CCDC137: variants seen among roughly 807,000 people sequenced by gnomAD.
CCDC137 encodes coiled-coil domain containing 137.
Under a neutral mutation model 30.4 loss-of-function variants are expected in CCDC137, and 24 were observed. That is an observed-to-expected ratio of 0.79 (90% CI 0.57 to 1.11). The LOEUF is 1.11. Among genes scored for constraint, CCDC137 ranks in the 50% least tolerant of loss-of-function variants. CCDC137 has a pLI of 0.00. For missense variants in CCDC137, 417 were observed against 380.4 expected (o/e 1.10, Z -0.80); for synonymous variants, 182 against 155.7 (o/e 1.17, Z -1.26).
In CCDC137 at chr17:81,673,536, G is replaced by A. The variant is rs1455715251; in HGVS notation, c.*832G>A. 6.6e-6 allele frequency: 1 copy of A among 152,300 alleles called. No homozygotes were observed. Among genetic ancestry groups the A allele is most frequent in the Non-Finnish European group, 1.5e-5 (1 of 68,080 alleles). The allele number at this position is 152,300 out of a possible 1,614,324, so 9.4% of individuals were successfully genotyped here. ...GGTCACAGAGTGGGGCCCAGGGGGAGTTCCTGCTGAGGGCAGGGCCTTGCC... is the reference window on the plus strand; with the variant it reads ...GGTCACAGAGTGGGGCCCAGGGGGAATTCCTGCTGAGGGCAGGGCCTTGCC... On this transcript the variant is annotated 3_prime_UTR_variant, in exon 6 of 6. Transcript: ENST00000329214.
At position 81,666,773 on chromosome 17, in the gene CCDC137, G is replaced by A. The variant is rs1598731067; in HGVS notation, c.7G>A (p.Gly3Arg). 4 of 1,468,696 alleles carry A rather than the reference G, an allele frequency of 2.7e-6. No homozygotes were observed. The highest frequency in any genetic ancestry group is 2.7e-6 in the Non-Finnish European group (3 of 1,114,976). 91.0% of individuals were successfully genotyped at this position (1,468,696 alleles called of 1,614,324 possible). The change falls in exon 1 of 6, where the codon GGA becomes AGA. Residue 3 changes from glycine to arginine, a missense_variant. Gly to Arg is a moderately radical substitution (Grantham distance 125, BLOSUM62 -2). Transcript: ENST00000329214. MA[G>R]AGRGAAVSRV... ...GGAGCCTCCCGGCGTGGAGATGGCGGGAGCTGGTCGCGGAGCAGCGGTGTC... is the reference window on the plus strand; with the variant it reads ...GGAGCCTCCCGGCGTGGAGATGGCGAGAGCTGGTCGCGGAGCAGCGGTGTC...
chr17:81,672,654 G>C lies in CCDC137; in HGVS notation c.820G>C (p.Gly274Arg), dbSNP rs61742298. ...GAAGCAGCGGCAGCAGCAGCTGCAC[G>C]GGGAGCGACCCCACCTCACTTCCCG... ...ALKQRQQQLH[G>R]ERPHLTSRKK... is the part of the protein sequence containing the mutation. The change falls in exon 6 of 6, where the codon GGG (glycine) becomes CGG (arginine). Residue 274 changes from glycine to arginine, a missense_variant. Physicochemically the swap from Gly to Arg is moderately radical, Grantham distance 125 (BLOSUM62 -2). Transcript: ENST00000329214. The C allele has an allele frequency of 6.2e-7, 1 of 1,601,096 alleles. No homozygotes were observed. Among genetic ancestry groups the C allele is most frequent in the Admixed American group, 1.7e-5 (1 of 58,316 alleles).
Position 81,667,772 on chromosome 17 carries a change from G to A in CCDC137, c.178G>A (p.Glu60Lys), listed in dbSNP as rs1305520593. Reference sequence around the variant, plus strand: ...GAACTGCAAGCCCAAGAACCAGGACGAACAGGAGATTCCTTTCCGGCTCCG... The same window carrying A: ...GAACTGCAAGCCCAAGAACCAGGACAAACAGGAGATTCCTTTCCGGCTCCG... ...KVNCKPKNQDEQEIPFRLREI... is the reference protein window; with the variant it reads ...KVNCKPKNQDKQEIPFRLREI... The change falls in exon 2 of 6, where the codon GAA becomes AAA. Residue 60 changes from glutamate to lysine, a missense_variant. By Grantham distance (56) the Glu-to-Lys change is moderately conservative. Coordinates refer to ENST00000329214, the MANE Select transcript of CCDC137 (RefSeq NM_199287.3). 1.2e-6 allele frequency: 2 copies of A among 1,613,604 alleles called. No homozygotes were observed. The highest frequency in any genetic ancestry group is 1.1e-5 in the South Asian group (1 of 91,060).
At chr17:81,669,116 C>G (rs767776436) in intron 2 of CCDC137, among the ~76,000 whole-genome samples, 10 of 151,958 alleles carry the variant, frequency 6.6e-5, no homozygotes, top group Admixed American at 2.0e-4. Flanking sequence ...TTTTGAACTC[C>G]TGACCTCAAG....
intron 5 of CCDC137, 24 bp downstream of exon 5, chr17:81,672,179 T>C: frequency 6.2e-7 from 1 of 1,609,894 alleles, no homozygotes; most frequent in East Asian, 2.2e-5. Context: ...GGGGACAACT[T>C]GAGTTTGTCC....
At chr17:81,671,849 T>A in intron 4 of CCDC137, 23 bp downstream of exon 4, 62 of 1,612,058 alleles carry the variant, frequency 3.8e-5, no homozygotes, top group Non-Finnish European at 5.3e-5. Flanking sequence ...AAAGCGATGG[T>A]GTCAGCAGTG....
rs768317709 is a variant in CCDC137, at chr17:81,670,494, C to T, written c.497+41C>T. On this transcript the variant is annotated intron_variant, in intron 3 of 5. Coordinates refer to ENST00000329214, the MANE Select transcript of CCDC137 (RefSeq NM_199287.3). ...AGGGGGAGGGGTCTGCCCTGGGAGC[C>T]GGAGGGAAGACATTGGGTTCCCATG... 3.2e-5 allele frequency: 49 copies of T among 1,549,708 alleles called. 1 individual carries two copies. The highest frequency in any genetic ancestry group is 1.6e-4 in the East Asian group (7 of 43,996).
At position 81,673,447 on chromosome 17, in the gene CCDC137, G is replaced by A. The variant is rs2036746967; in HGVS notation, c.*743G>A. On this transcript the variant is annotated 3_prime_UTR_variant, in exon 6 of 6. Transcript: ENST00000329214. ...GTTGTCACCTACCTAACAGGGCTCTGAGAGAGCCGGGAGGCCCAAAGTGGC... is the reference window on the plus strand; with the variant it reads ...GTTGTCACCTACCTAACAGGGCTCTAAGAGAGCCGGGAGGCCCAAAGTGGC... 1 of 152,162 alleles carries A rather than the reference G, an allele frequency of 6.6e-6. No individual in the cohort carries two copies. Among genetic ancestry groups the A allele is most frequent in the South Asian group, 2.1e-4 (1 of 4,828 alleles). 9.4% of individuals were successfully genotyped at this position (152,162 alleles called of 1,614,324 possible).
chr17:81,672,596 G>A lies in CCDC137; in HGVS notation c.762G>A (p.Glu254=). The change falls in exon 6 of 6, where the codon GAG becomes GAA. Residue 254 remains glutamate (E), a synonymous_variant. Coordinates refer to ENST00000329214, the MANE Select transcript of CCDC137 (RefSeq NM_199287.3). ...SLARQRIVEE[E]RERAVQAYRA... ...CCCGCCAGCGGATTGTGGAGGAGGA[G>A]AGAGAGCGGGCCGTGCAGGCCTACA... The A allele has an allele frequency of 6.3e-7, 1 of 1,586,224 alleles. No homozygotes were observed. The highest frequency in any genetic ancestry group is 1.1e-5 in the South Asian group (1 of 86,970).
chr17:81,670,235 C>T lies in CCDC137; in HGVS notation c.279C>T (p.Thr93=), dbSNP rs2036700574. 1 of 1,613,822 alleles carries T rather than the reference C, an allele frequency of 6.2e-7. No homozygotes were observed. Among genetic ancestry groups the T allele is most frequent in the Non-Finnish European group, 8.5e-7 (1 of 1,179,946 alleles). ...NKKRKKAAQV[T]FRKTLEKEAK... Reference sequence around the variant, plus strand: ...TCCCTTTGTCCTCAGCCCAGGTGACCTTCAGAAAGACATTGGAGAAGGAAG... The same window carrying T: ...TCCCTTTGTCCTCAGCCCAGGTGACTTTCAGAAAGACATTGGAGAAGGAAG... The change falls in exon 3 of 6, where the codon ACC becomes ACT. Residue 93 remains threonine (T), a synonymous_variant. Transcript: ENST00000329214.
intron 2 of CCDC137, among the ~76,000 whole-genome samples, chr17:81,669,438 C>T (rs1307490528): frequency 6.6e-6 from 1 of 152,240 alleles, no homozygotes; most frequent in African/African-American, 2.4e-5. Flanking sequence ...AACCACCATG[C>T]CTGGCAATAT....
In CCDC137 at chr17:81,671,760, C is replaced by G; in HGVS notation, c.514C>G (p.Leu172Val). 1 of 1,612,342 alleles carries G rather than the reference C, an allele frequency of 6.2e-7. No individual in the cohort carries two copies. The highest frequency in any genetic ancestry group is 1.1e-5 in the South Asian group (1 of 90,932). Reference sequence around the variant, plus strand: ...CTTCCCCAGGTTCCAGAAGCGGCGACTAGATAAAGTCCGACGGAAAAAGGA... The same window carrying G: ...CTTCCCCAGGTTCCAGAAGCGGCGAGTAGATAAAGTCCGACGGAAAAAGGA... ...KAKKAFQKRR[L>V]DKVRRKKEEK... is the part of the protein sequence containing the mutation. Residue 172 changes from leucine (L) to valine (V), a missense_variant, in exon 4 of 6, where the codon CTA becomes GTA. Coordinates refer to ENST00000329214, the MANE Select transcript of CCDC137 (RefSeq NM_199287.3).
At chr17:81,669,426 T>A (rs1183311639) in intron 2 of CCDC137, among the ~76,000 whole-genome samples, 1 of 152,174 alleles carries the variant, frequency 6.6e-6, no homozygotes, top group Non-Finnish European at 1.5e-5. Flanking sequence ...ATTACAGGTG[T>A]GAACCACCAT....
rs772590238 is a variant in CCDC137 at position 81,670,359 on chromosome 17, C to T, written c.403C>T (p.His135Tyr). 1.2e-6 allele frequency: 2 copies of T among 1,613,960 alleles called. No homozygotes were observed. The highest frequency in any genetic ancestry group is 1.7e-6 in the Non-Finnish European group (2 of 1,180,004). Residue 135 changes from histidine to tyrosine, a missense_variant, in exon 3 of 6, where the codon CAT becomes TAT. By Grantham distance (83) the His-to-Tyr change is moderately conservative. Transcript: ENST00000329214. The stretch of plus-strand genomic sequence containing the variant: ...CCACCGCATGCAGCAAGAGGCCCAG[C>T]ATGTGCTGTTCCTCAGCAAGAACCA... ...YIHRMQQEAQHVLFLSKNQAI... is the reference protein window; with the variant it reads ...YIHRMQQEAQYVLFLSKNQAI...
At chr17:81,671,205 G>A (rs1321941484) in intron 3 of CCDC137, among the ~76,000 whole-genome samples, 1 of 152,132 alleles carries the variant, frequency 6.6e-6, no homozygotes, top group Non-Finnish European at 1.5e-5. Flanking sequence ...CCTGTTTCTG[G>A]ATTGTTGTAT....
intron 3 of CCDC137, among the ~76,000 whole-genome samples, chr17:81,671,080 T>A (rs2036714575): frequency 6.7e-6 from 1 of 150,008 alleles, no homozygotes; most frequent in African/African-American, 2.5e-5. Context: ...TGCAGTGAGC[T>A]GAGATCGTGC....
At chr17:81,666,971 ACC>A (rs1043024426) in intron 1 of CCDC137, 71 bp downstream of exon 1, 4 of 1,235,170 alleles carry the variant, frequency 3.2e-6, no homozygotes, top group African/African-American at 1.6e-5. Flanking sequence ...TCCGCCCGGG[ACC>A]CCCTAGGGAG....
chr17:81,669,797 G>A (rs755596622), intron 2 of CCDC137, among the ~76,000 whole-genome samples: 13 of 151,696 alleles, frequency 8.6e-5, no homozygotes, highest in Non-Finnish European at 1.6e-4. Context: ...TCCTGACCTT[G>A]TGATCTGCCC....
intron 2 of CCDC137, among the ~76,000 whole-genome samples, chr17:81,668,910 C>T (rs1170629998): frequency 2.0e-5 from 3 of 149,626 alleles, no homozygotes; most frequent in African/African-American, 4.9e-5. Flanking sequence ...GAGACAGTCT[C>T]CCTCTAGCCC....
Sources: allele counts gnomAD v4.1 joint callset (sites outside exome capture counted in the v4.1 genomes callset), GRCh38; gene constraint gnomAD v4.1.1; transcripts MANE v1.5; gene names NCBI Gene and HGNC (gene_info 2026-07-23, HGNC 2026-07-21).